The following SLCO5A1 variants were observed in gnomAD, a reference collection of about 807,000 sequenced individuals.
SLCO5A1 encodes solute carrier organic anion transporter family member 5A1.
Under a neutral mutation model 65.1 loss-of-function variants are expected in SLCO5A1, and 39 were observed. That is an observed-to-expected ratio of 0.60 (90% CI 0.46 to 0.78). The LOEUF (loss-of-function observed/expected upper bound fraction) is 0.78, where lower values mean the gene tolerates loss of function less well. SLCO5A1 is among the 30% of genes least tolerant of loss of function. SLCO5A1 has a pLI of 0.00. For missense variants in SLCO5A1, 1,029 were observed against 1,069.4 expected, an observed-to-expected ratio of 0.96 and a Z score of 0.53; for synonymous variants, 438 against 415.7, an observed-to-expected ratio of 1.05 and a Z score of -0.65.
intron 5 of SLCO5A1, among the ~76,000 whole-genome samples, chr8:69,734,052 G>A (rs1816451067): frequency 6.6e-6 from 1 of 152,160 alleles, no homozygotes; most frequent in Non-Finnish European, 1.5e-5. Context: ...CACTATACCA[G>A]AGGAGTGAAG....
chr8:69,688,460 A>G (rs1814095418), intron 6 of SLCO5A1, among the ~76,000 whole-genome samples: 1 of 152,000 alleles, frequency 6.6e-6, no homozygotes, highest in Non-Finnish European at 1.5e-5. Context: ...AGCATTAGGT[A>G]TATCTCCCAA....
chr8:69,766,606 T>C (rs1818069812), intron 2 of SLCO5A1, among the ~76,000 whole-genome samples: 1 of 152,184 alleles, frequency 6.6e-6, no homozygotes. Context: ...TCCCTCCAGT[T>C]AGTTACTCCA....
chr8:69,773,407 G>A (rs1037128473), intron 2 of SLCO5A1, among the ~76,000 whole-genome samples: 2 of 152,048 alleles, frequency 1.3e-5, no homozygotes, highest in African/African-American at 2.4e-5. Flanking sequence ...GCTCATCCTC[G>A]GGTCTCCTGA....
intron 3 of SLCO5A1, among the ~76,000 whole-genome samples, chr8:69,759,806 C>T (rs1563706268): frequency 1.3e-5 from 2 of 152,098 alleles, no homozygotes; most frequent in South Asian, 2.1e-4. Context: ...CCACCACACT[C>T]GGCTAATTTT....
chr8:69,674,260 C>A (rs1318528061), intron 9 of SLCO5A1, among the ~76,000 whole-genome samples: 1 of 152,118 alleles, frequency 6.6e-6, no homozygotes, highest in Non-Finnish European at 1.5e-5. Flanking sequence ...TTATTCTTTG[C>A]ATCCCAAAGA....
intron 2 of SLCO5A1, among the ~76,000 whole-genome samples, chr8:69,771,087 C>A (rs771461795): frequency 6.6e-6 from 1 of 152,114 alleles, no homozygotes; most frequent in Non-Finnish European, 1.5e-5. Context: ...CGGGTTCAAG[C>A]GATTCTCCTG....
At chr8:69,747,059 T>G (rs150065784) in intron 4 of SLCO5A1, among the ~76,000 whole-genome samples, 5 of 152,264 alleles carry the variant, frequency 3.3e-5, no homozygotes, top group African/African-American at 7.2e-5. Flanking sequence ...AATCCTAAGC[T>G]CTTTCCCAAG....
At chr8:69,777,798 G>A (rs1262180502) in intron 2 of SLCO5A1, among the ~76,000 whole-genome samples, 2 of 152,130 alleles carry the variant, frequency 1.3e-5, no homozygotes, top group Non-Finnish European at 1.5e-5. Flanking sequence ...ACATCCAGCC[G>A]TCGAGGTCGT....
In SLCO5A1 at chr8:69,755,569, C is replaced by G. The variant is rs143703772; in HGVS notation, c.1113G>C (p.Lys371Asn). ...VIFPMFTFPK[K>N]LPPRHKKKKK... is the part of the protein sequence containing the mutation. ...TCTTTTTCTTGTGTCGAGGTGGAAG[C>G]TTTTTTGGGAAAGTAAACATTGGGA... The change falls in exon 4 of 10, where the codon AAG (lysine) becomes AAC (asparagine). Residue 371 changes from lysine to asparagine, a missense_variant. Around this residue, in one of 3 missense-constraint regions of SLCO5A1, gnomAD observed 647 missense variants for 647.5 expected, o/e 1.00. Transcript: ENST00000260126. 2.8e-5 allele frequency: 45 copies of G among 1,613,848 alleles called. No individual in the cohort carries two copies. The East Asian group carries it at 9.6e-4, about 34-fold the overall frequency.
chr8:69,762,504 G>T (rs941229526), intron 2 of SLCO5A1, among the ~76,000 whole-genome samples: 7 of 151,788 alleles, frequency 4.6e-5, no homozygotes, highest in African/African-American at 1.7e-4. Flanking sequence ...TAATATAAGT[G>T]TTCAGACCCC....
chr8:69,671,865 A>C lies in SLCO5A1; in HGVS notation c.*1004T>G, dbSNP rs1018239759. 6.6e-6 allele frequency: 1 copy of C among 152,180 alleles called. No homozygotes were observed. Among genetic ancestry groups the C allele is most frequent in the Non-Finnish European group, 1.5e-5 (1 of 68,038 alleles). The allele number at this position is 152,180 out of a possible 1,614,324, so 9.4% of individuals were successfully genotyped here. A position where few individuals can be genotyped will look rare whatever the true frequency, so the allele number is the denominator to read the frequency against. ...ATATAAGTATGCATTTTCAGGAGCAACCACAGCAATTTTCTGTCCAGAAAA... is the reference window on the plus strand; with the variant it reads ...ATATAAGTATGCATTTTCAGGAGCACCCACAGCAATTTTCTGTCCAGAAAA... On this transcript the variant is annotated 3_prime_UTR_variant, in exon 10 of 10. Coordinates refer to ENST00000260126, the MANE Select transcript of SLCO5A1 (RefSeq NM_030958.3).
At chr8:69,756,779 A>G (rs535830948) in intron 3 of SLCO5A1, among the ~76,000 whole-genome samples, 74 of 152,364 alleles carry the variant, frequency 4.9e-4, no homozygotes, top group African/African-American at 1.8e-3. Context: ...ATGAAATTGT[A>G]GTATTAGAGC....
chr8:69,827,681 A>G (rs1396916193), intron 2 of SLCO5A1, among the ~76,000 whole-genome samples: 1 of 152,208 alleles, frequency 6.6e-6, no homozygotes, highest in Non-Finnish European at 1.5e-5. Context: ...TGGGTGGCAA[A>G]AAATGTAATG....
At chr8:69,707,457 A>T (rs1436090161) in intron 5 of SLCO5A1, among the ~76,000 whole-genome samples, 1 of 152,222 alleles carries the variant, frequency 6.6e-6, no homozygotes, top group African/African-American at 2.4e-5. Context: ...TGAGGATTCA[A>T]TGCAATCCAA....
intron 5 of SLCO5A1, among the ~76,000 whole-genome samples, chr8:69,724,645 C>T (rs1000220820): frequency 1.3e-5 from 2 of 152,164 alleles, no homozygotes; most frequent in African/African-American, 4.8e-5. Context: ...ACTTCCACTT[C>T]TAATAATGTC....
At chr8:69,831,716 AG>A in intron 2 of SLCO5A1, 50 bp downstream of exon 2, 1 of 1,523,936 alleles carries the variant, frequency 6.6e-7, no homozygotes, top group Non-Finnish European at 8.9e-7. Flanking sequence ...TTGTAAGGAA[AG>A]TAAGTTTCAG....
chr8:69,827,812 G>T (rs951258561), intron 2 of SLCO5A1, among the ~76,000 whole-genome samples: 1 of 152,190 alleles, frequency 6.6e-6, no homozygotes, highest in Non-Finnish European at 1.5e-5. Context: ...TCTCTAATTT[G>T]TACAGAGGTA....
intron 5 of SLCO5A1, among the ~76,000 whole-genome samples, chr8:69,709,641 G>T (rs1041431696): frequency 6.6e-6 from 1 of 152,154 alleles, no homozygotes; most frequent in Non-Finnish European, 1.5e-5. Flanking sequence ...TTTCCTCCGA[G>T]AATTCATAAC....
At chr8:69,713,158 A>C (rs1395170057) in intron 5 of SLCO5A1, among the ~76,000 whole-genome samples, 1 of 152,248 alleles carries the variant, frequency 6.6e-6, no homozygotes, top group Non-Finnish European at 1.5e-5. Flanking sequence ...AGAATATCCA[A>C]CCATGGTGAC....
Sources: allele counts gnomAD v4.1 joint callset (sites outside exome capture counted in the v4.1 genomes callset), GRCh38; gene constraint gnomAD v4.1.1; regional missense constraint gnomAD v4.1.1; transcripts MANE v1.5; gene names NCBI Gene and HGNC (gene_info 2026-07-23, HGNC 2026-07-21).